The following TRPM3 variants were observed in gnomAD, a reference collection of about 807,000 sequenced individuals.
The protein encoded by TRPM3 is transient receptor potential cation channel subfamily M member 3, also known as long transient receptor potential channel 3.
In TRPM3, 77 loss-of-function variants were observed where a neutral mutation model predicts 181.2. That is an observed-to-expected ratio of 0.42 (90% CI 0.35 to 0.51). The LOEUF is 0.51. Ranked by LOEUF, TRPM3 falls within the 20% of genes least tolerant of loss-of-function variation. The pLI is 0.01. For synonymous variants in TRPM3, 745 were observed against 796.4 expected, an observed-to-expected ratio of 0.94 and a Z score of 1.09; for missense variants, 1,759 against 2,196.7, an observed-to-expected ratio of 0.80 and a Z score of 3.98.
intron 1 of TRPM3, among the ~76,000 whole-genome samples, chr9:70,960,444 C>T (rs1196303621): frequency 4.6e-5 from 7 of 152,086 alleles, no homozygotes. Context: ...TTTTCATCTT[C>T]TTATGATTGG....
At chr9:71,297,241 A>T (rs1417535371) in intron 1 of TRPM3, among the ~76,000 whole-genome samples, 1 of 152,104 alleles carries the variant, frequency 6.6e-6, no homozygotes, top group Non-Finnish European at 1.5e-5. Flanking sequence ...AGCCTTCTTC[A>T]GTAACAATAG....
At chr9:71,143,168 G>A (rs1486397781) in intron 1 of TRPM3, among the ~76,000 whole-genome samples, 2 of 149,786 alleles carry the variant, frequency 1.3e-5, no homozygotes, top group Admixed American at 1.3e-4. Context: ...TGTTTCCATT[G>A]GTAGAACTTT....
At chr9:71,302,297 T>C (rs969504330) in intron 1 of TRPM3, among the ~76,000 whole-genome samples, 3 of 152,198 alleles carry the variant, frequency 2.0e-5, no homozygotes, top group Non-Finnish European at 4.4e-5. Flanking sequence ...ACTTCATTTA[T>C]CCTCATCACC....
At chr9:71,272,770 C>T (rs2132137295) in intron 1 of TRPM3, among the ~76,000 whole-genome samples, 1 of 151,456 alleles carries the variant, frequency 6.6e-6, no homozygotes, top group East Asian at 1.9e-4. Flanking sequence ...ATATTTATGC[C>T]CTATGTAAAA....
At chr9:70,543,845 T>C (rs1272679251) in intron 25 of TRPM3, among the ~76,000 whole-genome samples, 1 of 152,200 alleles carries the variant, frequency 6.6e-6, no homozygotes, top group Non-Finnish European at 1.5e-5. Flanking sequence ...ATGATCTGGA[T>C]GCTTTCATCA....
At chr9:71,085,068 G>T (rs1197612028) in intron 1 of TRPM3, among the ~76,000 whole-genome samples, 1 of 151,978 alleles carries the variant, frequency 6.6e-6, no homozygotes, top group Non-Finnish European at 1.5e-5. Flanking sequence ...GAGATAACTG[G>T]CCAGCCATAC....
At chr9:70,648,966 A>G (rs935735076) in intron 9 of TRPM3, among the ~76,000 whole-genome samples, 5 of 152,184 alleles carry the variant, frequency 3.3e-5, no homozygotes, top group Non-Finnish European at 7.3e-5. Context: ...TCCAAAAGCA[A>G]TTGCAACAAA....
chr9:70,970,640 C>T (rs2097233957), intron 1 of TRPM3, among the ~76,000 whole-genome samples: 1 of 152,090 alleles, frequency 6.6e-6, no homozygotes, highest in Non-Finnish European at 1.5e-5. Context: ...TGTGTTTCAA[C>T]TATATTTACT....
chr9:71,024,209 TTC>T (rs1372927637), intron 1 of TRPM3, among the ~76,000 whole-genome samples: 1 of 152,120 alleles, frequency 6.6e-6, no homozygotes, highest in East Asian at 1.9e-4. Flanking sequence ...ACAAAATACT[TTC>T]TCAATAAATT....
chr9:71,229,356 C>T (rs12003947), intron 1 of TRPM3, among the ~76,000 whole-genome samples: 34,961 of 151,980 alleles, frequency 0.23, 4,563 homozygotes, highest in African/African-American at 0.33. Context: ...CCTCAAACTA[C>T]GAAACCACTC....
chr9:70,921,918 TACACACACACACACACACAAACAAACAC>T (rs1325354491), intron 1 of TRPM3, among the ~76,000 whole-genome samples: 1 of 140,134 alleles, frequency 7.1e-6, no homozygotes, highest in Non-Finnish European at 1.5e-5. Flanking sequence ...GCAGCCACTA[TACACACACACACACACACAAACAAACAC>T]ACACACACAC....
intron 1 of TRPM3, among the ~76,000 whole-genome samples, chr9:71,412,713 A>G (rs2093575323): frequency 6.6e-6 from 1 of 152,224 alleles, no homozygotes; most frequent in African/African-American, 2.4e-5. Flanking sequence ...ATCTAGAACT[A>G]GAAATACCAT....
chr9:70,923,202 TG>T (rs2096675942), intron 1 of TRPM3, among the ~76,000 whole-genome samples: 1 of 152,176 alleles, frequency 6.6e-6, no homozygotes, highest in African/African-American at 2.4e-5. Flanking sequence ...TGAAAGCAAA[TG>T]TCGCTTAAAA....
chr9:71,385,779 A>G (rs1237302006), intron 1 of TRPM3, among the ~76,000 whole-genome samples: 1 of 152,102 alleles, frequency 6.6e-6, no homozygotes, highest in Non-Finnish European at 1.5e-5. Context: ...ACCTTGGCTC[A>G]CTGCAACCTC....
chr9:70,603,620 A>T lies in TRPM3; in HGVS notation c.2668-150T>A, dbSNP rs551326667. On this transcript the variant is annotated intron_variant, in intron 19 of 25. Transcript: ENST00000677713. ...AACTTGAAGGTGCTAAACTAACAAA[A>T]GAATTAGAAAAGACAGTAATACTTG... 3.0e-5 allele frequency: 22 copies of T among 734,658 alleles called. No individual in the cohort carries two copies. The African/African-American group carries it at 3.5e-4, about 12-fold the overall frequency. 45.5% of individuals were successfully genotyped at this position (734,658 alleles called of 1,614,324 possible). A position where few individuals can be genotyped will look rare whatever the true frequency, so the allele number is the denominator to read the frequency against.
intron 1 of TRPM3, among the ~76,000 whole-genome samples, chr9:71,159,715 A>G (rs1346723497): frequency 2.0e-5 from 3 of 152,098 alleles, no homozygotes; most frequent in African/African-American, 7.2e-5. Flanking sequence ...GAGAACACTT[A>G]ACGACTTGAA....
At chr9:70,969,424 A>G (rs546272679) in intron 1 of TRPM3, among the ~76,000 whole-genome samples, 86 of 152,196 alleles carry the variant, frequency 5.7e-4, no homozygotes, top group Admixed American at 2.1e-3. Context: ...AAAGTTAAAA[A>G]TAATAAGACA....
intron 8 of TRPM3, among the ~76,000 whole-genome samples, chr9:70,752,400 G>T (rs1323039551): frequency 6.6e-6 from 1 of 152,222 alleles, no homozygotes; most frequent in East Asian, 1.9e-4. Context: ...AAAAAAATCA[G>T]TTATGGATGG....
chr9:70,919,561 A>T (rs1286353145), intron 1 of TRPM3, among the ~76,000 whole-genome samples: 2 of 152,196 alleles, frequency 1.3e-5, no homozygotes, highest in Non-Finnish European at 2.9e-5. Context: ...AGGTGGGTGG[A>T]TCACCTGAGG....
Sources: gnomAD v4.1 joint callset for allele counts (sites outside exome capture counted in the v4.1 genomes callset) on GRCh38, gnomAD v4.1.1 for gene constraint, MANE v1.5 for transcripts, NCBI Gene and HGNC (gene_info 2026-07-23, HGNC 2026-07-21) for gene names.